ANO4: variants seen among roughly 807,000 people sequenced by gnomAD.
The protein encoded by ANO4 is anoctamin-4.
ANO4 carries 69 observed loss-of-function variants against 141.9 expected under a neutral mutation model. The ratio of observed to expected loss-of-function variants is 0.49; its 90% CI spans 0.40 to 0.59. The LOEUF (loss-of-function observed/expected upper bound fraction) is 0.59, where lower values mean the gene tolerates loss of function less well. Among genes scored for constraint, ANO4 ranks in the 20% least tolerant of loss-of-function variants. The probability of loss-of-function intolerance (pLI) is 0.00; values close to 1 mark genes in which losing one functional copy is unlikely to be tolerated. For missense variants in ANO4, 894 were observed against 1,162.2 expected, an observed-to-expected ratio of 0.77 and a Z score of 3.36; for synonymous variants, 350 against 394.3, an observed-to-expected ratio of 0.89 and a Z score of 1.33.
rs569577651 is a variant in ANO4, at chr12:100,739,918, C to T, written c.171C>T (p.Gly57=). The T allele has an allele frequency of 6.0e-5, 42 of 702,612 alleles. No individual in the cohort carries two copies. In the African/African-American group the frequency reaches 6.6e-4, roughly 11 times the overall value. 43.5% of individuals were successfully genotyped at this position (702,612 alleles called of 1,614,324 possible). ...ACTGGAAAAATCCATACGTACAAGG[C>T]AGACCAACCCTCCCATCAGATCTGC... Residue 57 remains glycine, a synonymous_variant, in exon 3 of 30, where the codon GGC becomes GGT. Coordinates refer to the ANO4 transcript ENST00000644049.
At chr12:100,942,129 C>T (rs935198421) in intron 4 of ANO4, among the ~76,000 whole-genome samples, 4 of 151,890 alleles carry the variant, frequency 2.6e-5, no homozygotes, top group South Asian at 2.1e-4. Context: ...TACAGGCACA[C>T]GCCACCATGC....
intron 9 of ANO4, among the ~76,000 whole-genome samples, chr12:101,027,464 T>C (rs756670341): frequency 2.6e-5 from 4 of 152,158 alleles, no homozygotes; most frequent in Non-Finnish European, 4.4e-5. Flanking sequence ...AGCTAAGCTC[T>C]CTGTGGGGGA....
At chr12:101,057,003 G>A (rs1367963699) in intron 14 of ANO4, among the ~76,000 whole-genome samples, 2 of 149,578 alleles carry the variant, frequency 1.3e-5, no homozygotes, top group East Asian at 2.0e-4. Context: ...TTCCCTCCCC[G>A]ATCCCCCTAT....
chr12:100,762,389 T>C lies in ANO4; in HGVS notation c.358+22284T>C, dbSNP rs1394317120. 5.3e-5 allele frequency among the ~76,000 whole-genome samples: 8 copies of C among 152,142 alleles called. No homozygotes were observed. In the South Asian group the frequency reaches 1.2e-3, roughly 24 times the overall value. On this transcript the variant is annotated intron_variant, in intron 3 of 29. Coordinates refer to the ANO4 transcript ENST00000644049. ...CCACCTCAGGCACAATTTGAGCCAA[T>C]AGAGCAACCACTGATATGTGCTGGT... is the stretch of plus-strand genomic sequence containing the variant.
chr12:100,811,926 C>G (rs1392273187), intron 1 of ANO4, among the ~76,000 whole-genome samples: 1 of 152,082 alleles, frequency 6.6e-6, no homozygotes, highest in Non-Finnish European at 1.5e-5. Flanking sequence ...CTAACTGGCC[C>G]CTGTTTTGTA....
chr12:100,998,934 A>T (rs943293005), intron 8 of ANO4, among the ~76,000 whole-genome samples: 7 of 152,332 alleles, frequency 4.6e-5, no homozygotes, highest in Middle Eastern at 3.4e-3. Flanking sequence ...TAGTCCTGTG[A>T]GTAAGGTATC....
intron 8 of ANO4, among the ~76,000 whole-genome samples, chr12:100,988,872 G>GAAGAAAAA (rs2044883805): frequency 1.5e-5 from 1 of 65,042 alleles, no homozygotes; most frequent in Non-Finnish European, 2.9e-5. Flanking sequence ...CTCTGTCTCA[G>GAAGAAAAA]AAAAAAAAAA....
intron 14 of ANO4, among the ~76,000 whole-genome samples, chr12:101,055,617 G>GAGTC (rs2048084404): frequency 6.6e-6 from 1 of 152,072 alleles, no homozygotes; most frequent in South Asian, 2.1e-4. Context: ...TTCCCTGTCT[G>GAGTC]AGTCTTGCAT....
At chr12:101,046,757 A>G (rs1350255642) in intron 13 of ANO4, among the ~76,000 whole-genome samples, 1 of 151,522 alleles carries the variant, frequency 6.6e-6, no homozygotes, top group Non-Finnish European at 1.5e-5. Context: ...TCTGTCTCCA[A>G]ATGTTTGTGT....
intron 1 of ANO4, among the ~76,000 whole-genome samples, chr12:100,828,039 T>TA (rs1374117756): frequency 6.6e-6 from 1 of 151,992 alleles, no homozygotes; most frequent in Non-Finnish European, 1.5e-5. Context: ...TTGTGATACA[T>TA]ACTCCTGTTA....
chr12:100,995,456 C>T (rs763154236), intron 8 of ANO4, among the ~76,000 whole-genome samples: 9 of 152,172 alleles, frequency 5.9e-5, no homozygotes, highest in Non-Finnish European at 7.3e-5. Context: ...AGAGGAATGA[C>T]GTGGTCTGAC....
chr12:100,855,870 A>G (rs1454911840), intron 1 of ANO4, among the ~76,000 whole-genome samples: 1 of 152,218 alleles, frequency 6.6e-6, no homozygotes, highest in Non-Finnish European at 1.5e-5. Context: ...CAAGGAATTT[A>G]CAGTGAAATC....
At chr12:100,941,985 A>ATTATTATTC (rs2042540594) in intron 4 of ANO4, among the ~76,000 whole-genome samples, 1 of 148,032 alleles carries the variant, frequency 6.8e-6, no homozygotes, top group African/African-American at 2.5e-5. Context: ...TATTATTATT[A>ATTATTATTC]TTATTATTAT....
At chr12:100,997,461 A>G (rs2045441385) in intron 8 of ANO4, among the ~76,000 whole-genome samples, 1 of 151,864 alleles carries the variant, frequency 6.6e-6, no homozygotes, top group African/African-American at 2.4e-5. Context: ...ATGTGAAGAC[A>G]TCTGATTTCC....
chr12:100,782,860 C>T lies in ANO4; in HGVS notation c.358+42755C>T, dbSNP rs150917922. Reference sequence around the variant, plus strand: ...AGTCAGCTTTCATTCTGTATATTAACTCCAAAATTTGTATCAAGCTCACAT... The same window carrying T: ...AGTCAGCTTTCATTCTGTATATTAATTCCAAAATTTGTATCAAGCTCACAT... On this transcript the variant is annotated intron_variant, in intron 3 of 29. Coordinates refer to the ANO4 transcript ENST00000644049. Among the ~76,000 whole-genome samples the T allele has an allele frequency of 1.9e-4, 29 of 152,278 alleles. No individual in the cohort carries two copies. The East Asian group carries it at 5.2e-3, about 27-fold the overall frequency.
Position 101,086,898 on chromosome 12 carries a change from A to G in ANO4, c.1701+74A>G, listed in dbSNP as rs2049526409. Reference sequence around the variant, plus strand: ...CAAGTGACAGTTTTCTTCTGTTGCTAAGGGGATCTGGCCTCAGAGAGGTGG... The same window carrying G: ...CAAGTGACAGTTTTCTTCTGTTGCTGAGGGGATCTGGCCTCAGAGAGGTGG... On this transcript the variant is annotated intron_variant, in intron 17 of 27. Coordinates refer to ENST00000392977, the MANE Select transcript of ANO4 (RefSeq NM_001286615.2). The G allele has an allele frequency of 5.2e-6, 8 of 1,536,838 alleles. No homozygotes were observed. In the South Asian group the frequency reaches 8.5e-5, roughly 16 times the overall value.
intron 3 of ANO4, among the ~76,000 whole-genome samples, chr12:100,740,950 C>A (rs79120032): frequency 0.14 from 21,792 of 152,058 alleles, 2,049 homozygotes; most frequent in Admixed American, 0.29. Flanking sequence ...TTATCTGGCC[C>A]TTTATAGAAA....
At chr12:100,880,879 T>A (rs922584032) in intron 1 of ANO4, among the ~76,000 whole-genome samples, 2 of 152,134 alleles carry the variant, frequency 1.3e-5, no homozygotes, top group Non-Finnish European at 2.9e-5. Context: ...AAAATCCCCC[T>A]CTTTGTATCC....
At chr12:101,119,125 G>A (rs2050977692) in intron 25 of ANO4, among the ~76,000 whole-genome samples, 1 of 151,970 alleles carries the variant, frequency 6.6e-6, no homozygotes. Flanking sequence ...CATTGATGGA[G>A]CTTTCTTTTT....
Sources: allele counts gnomAD v4.1 joint callset (sites outside exome capture counted in the v4.1 genomes callset), GRCh38; gene constraint gnomAD v4.1.1; transcripts MANE v1.5; gene names NCBI Gene and HGNC (gene_info 2026-07-23, HGNC 2026-07-21).